ELP6: variants seen among roughly 807,000 people sequenced by gnomAD.
ELP6 encodes elongator complex protein 6.
Under a neutral mutation model 28.1 loss-of-function variants are expected in ELP6, and 23 were observed. The observed-to-expected ratio is 0.82, with a 90% CI of 0.59 to 1.16. The LOEUF is 1.16. ELP6 is among the 50% of genes most tolerant of loss of function. The probability of loss-of-function intolerance (pLI) is 0.00; values close to 1 mark genes in which losing one functional copy is unlikely to be tolerated. For synonymous variants in ELP6, 132 were observed against 135.8 expected (o/e 0.97, Z 0.19); for missense variants, 313 against 334.6 (o/e 0.94, Z 0.50).
intron 6 of ELP6, chr3:47,496,831 G>A (rs940494532): frequency 4.7e-5 from 46 of 985,176 alleles, no homozygotes; most frequent in Admixed American, 3.1e-4. Context: ...TTGTACTTGC[G>A]GGCTAGACTA....
intron 2 of ELP6, among the ~76,000 whole-genome samples, chr3:47,510,668 C>T (rs528176227): frequency 1.2e-3 from 182 of 152,280 alleles, no homozygotes; most frequent in African/African-American, 4.3e-3. Flanking sequence ...CTATATTGCC[C>T]AGGCTGGTCT....
Position 47,504,429 on chromosome 3 carries a change from G to A in ELP6, c.224C>T (p.Ala75Val), listed in dbSNP as rs183689517. ...GAACACAAGCTGCCCACGCTCCCGC[G>A]CCATGGTCAGGCTGACACCCTAAAC... ...GQKLGVSLTMARERGQLVFLE... is the reference protein window; with the variant it reads ...GQKLGVSLTMVRERGQLVFLE... The change falls in exon 4 of 7, where the codon GCG becomes GTG. Residue 75 changes from alanine (A) to valine (V), a missense_variant. By Grantham distance (64) the Ala-to-Val change is moderately conservative. Coordinates refer to ENST00000296149, the MANE Select transcript of ELP6 (RefSeq NM_001031703.3). The A allele has an allele frequency of 1.6e-3, 2,543 of 1,607,368 alleles. 4 individuals are homozygous for A. Among genetic ancestry groups the A allele is most frequent in the Non-Finnish European group, 1.7e-3 (1,955 of 1,176,292 alleles).
rs1187545182 is a variant in ELP6 at position 47,513,581 on chromosome 3, C to T, written c.10G>A (p.Glu4Lys). 6.2e-7 allele frequency: 1 copy of T among 1,613,288 alleles called. No individual in the cohort carries two copies. Among genetic ancestry groups the T allele is most frequent in the Non-Finnish European group, 8.5e-7 (1 of 1,179,636 alleles). Residue 4 changes from glutamate to lysine, a missense_variant, in exon 1 of 7, where the codon GAA (glutamate) becomes AAA (lysine). Glu to Lys is a moderately conservative substitution (Grantham distance 56). Coordinates refer to ENST00000296149, the MANE Select transcript of ELP6 (RefSeq NM_001031703.3). ...GTGGTGTTAAGCAGGTTATTAAGTT[C>T]CACGAACATTCCGAGCTCCTGGGAC... MFV[E>K]LNNLLNTTPD...
Position 47,504,347 on chromosome 3 carries a change from G to C in ELP6, c.306C>G (p.His102Gln). ...DVVFQAQKEP[H>Q]PLQFLREANA... Reference sequence around the variant, plus strand: ...TGACTGACCTGAGAAACTGCAGGGGGTGTGGCTCCTTTTGAGCCTGGAAGA... The same window carrying C: ...TGACTGACCTGAGAAACTGCAGGGGCTGTGGCTCCTTTTGAGCCTGGAAGA... The change falls in exon 4 of 7, where the codon CAC becomes CAG. Residue 102 changes from histidine to glutamine, a missense_variant. Coordinates refer to ENST00000296149, the MANE Select transcript of ELP6 (RefSeq NM_001031703.3). The C allele has an allele frequency of 1.2e-6, 2 of 1,609,220 alleles. No homozygotes were observed. Among genetic ancestry groups the C allele is most frequent in the East Asian group, 4.5e-5 (2 of 44,616 alleles).
rs1392407235 is a variant in ELP6 at position 47,513,671 on chromosome 3, C to A, written c.-81G>T. 3 of 1,564,214 alleles carry A rather than the reference C, an allele frequency of 1.9e-6. No homozygotes were observed. Among genetic ancestry groups the A allele is most frequent in the Admixed American group, 1.8e-5 (1 of 54,986 alleles). ...CGGAGGCTGGAGAGCAAAACACACC[C>A]GACAGCCCGGCTCGCGCAAGGAAGC... On this transcript the variant is annotated 5_prime_UTR_variant, in exon 1 of 7. Coordinates refer to ENST00000296149, the MANE Select transcript of ELP6 (RefSeq NM_001031703.3).
rs1709043394 is a variant in ELP6, at chr3:47,512,500, G to A, written c.54+1037C>T. 1.1e-5 allele frequency: 7 copies of A among 619,738 alleles called. No individual in the cohort carries two copies. The South Asian group carries it at 5.0e-4, about 44-fold the overall frequency. The allele number at this position is 619,738 out of a possible 1,614,324, so 38.4% of individuals were successfully genotyped here. The stretch of plus-strand genomic sequence containing the variant: ...CCGGGAGGTGAGGTTGCAGGGAGCC[G>A]AGATCGCGCCAGTGCACTCCAGCCC... On this transcript the variant is annotated intron_variant, in intron 1 of 6. Transcript: ENST00000296149.
rs376112480 is a variant in ELP6, at chr3:47,496,228, C to T, written c.673-31G>A. 82 of 1,610,024 alleles carry T rather than the reference C, an allele frequency of 5.1e-5. No homozygotes were observed. In the African/African-American group the frequency reaches 7.0e-4, roughly 14 times the overall value. On this transcript the variant is annotated intron_variant, in intron 6 of 6. Coordinates refer to ENST00000296149, the MANE Select transcript of ELP6 (RefSeq NM_001031703.3). Reference sequence around the variant, plus strand: ...GAGACAGAGAAGAATGAAAGAGGAGCAGCCACCCCAGGACCTGCTCCACTG... The same window carrying T: ...GAGACAGAGAAGAATGAAAGAGGAGTAGCCACCCCAGGACCTGCTCCACTG...
chr3:47,503,234 A>T, intron 4 of ELP6: 1 of 1,204,650 alleles, frequency 8.3e-7, no homozygotes, highest in Non-Finnish European at 1.1e-6. Context: ...ATGGCCTCAC[A>T]CCCACTGCAT....
intron 3 of ELP6, among the ~76,000 whole-genome samples, chr3:47,506,636 T>C (rs193260101): frequency 2.0e-5 from 3 of 152,250 alleles, no homozygotes; most frequent in African/African-American, 7.2e-5. Flanking sequence ...TTTAAGGTTA[T>C]CTCTCTTGTT....
chr3:47,510,130 G>A, intron 3 of ELP6, 54 bp downstream of exon 3: 1 of 1,353,088 alleles, frequency 7.4e-7, no homozygotes, highest in Non-Finnish European at 1.1e-6. Context: ...TTTAGACCAT[G>A]TGTGACACAC....
intron 4 of ELP6, among the ~76,000 whole-genome samples, 167 bp from the exon 5 acceptor site, chr3:47,502,018 A>C (rs186888208): frequency 1.1e-3 from 170 of 152,302 alleles, no homozygotes; most frequent in African/African-American, 3.7e-3. Flanking sequence ...GCACATGTAC[A>C]GGAGTAATTC....
chr3:47,512,567 AAAT>A (rs1463858322), intron 1 of ELP6: 7 of 974,044 alleles, frequency 7.2e-6, no homozygotes, highest in Middle Eastern at 1.0e-3. Context: ...ATAAATAAAT[AAAT>A]AAGCCAAAAG....
chr3:47,512,740 A>C, intron 1 of ELP6: 2 of 970,432 alleles, frequency 2.1e-6, no homozygotes, highest in Non-Finnish European at 2.5e-6. Context: ...GTTCTATTAG[A>C]GATCACAAGG....
intron 3 of ELP6, 167 bp downstream of exon 3, chr3:47,510,017 C>T: frequency 5.4e-6 from 3 of 551,820 alleles, no homozygotes; most frequent in Non-Finnish European, 9.6e-6. Flanking sequence ...ATCTTGGCCT[C>T]CCAAAGTGCT....
chr3:47,513,207 G>C (rs1472636389), intron 1 of ELP6: 1 of 1,132,806 alleles, frequency 8.8e-7, no homozygotes, highest in Non-Finnish European at 1.1e-6. Context: ...GGCCAGACTT[G>C]TCTCGAACTC....
Position 47,510,185 on chromosome 3 carries a change from A to T in ELP6, c.203T>A (p.Leu68Gln). The change falls in exon 3 of 7, where the codon CTG becomes CAG. Residue 68 changes from leucine to glutamine, a missense_variant and splice_region_variant. By Grantham distance (113) the Leu-to-Gln change is moderately radical. Transcript: ENST00000296149. ...ATCATGGAGCTCCAAAATATTTACC[A>T]GCTTCTGTCCCACGATACTGTAGTG... Reference protein sequence around the residue: ...FSHYSIVGQKLGVSLTMARER... With the variant: ...FSHYSIVGQKQGVSLTMARER... The T allele has an allele frequency of 6.2e-7, 1 of 1,613,136 alleles. No homozygotes were observed. Among genetic ancestry groups the T allele is most frequent in the East Asian group, 2.2e-5 (1 of 44,876 alleles).
At chr3:47,513,462 G>C in intron 1 of ELP6, 75 bp downstream of exon 1, 2 of 1,575,216 alleles carry the variant, frequency 1.3e-6, no homozygotes, top group Non-Finnish European at 1.7e-6. Context: ...CCGGGGTCGT[G>C]CGCACCGCCT....
At chr3:47,513,179 C>A in intron 1 of ELP6, 1 of 978,338 alleles carries the variant, frequency 1.0e-6, no homozygotes, top group South Asian at 3.8e-5. Context: ...TTCGTAGAGA[C>A]GGGGGTTTCA....
intron 4 of ELP6, chr3:47,502,694 GC>G: frequency 3.2e-6 from 1 of 311,584 alleles, no homozygotes; most frequent in Non-Finnish European, 4.7e-6. Context: ...TTTTAAATTA[GC>G]CAGGCATGGT....
Sources: gnomAD v4.1 joint callset for allele counts (sites outside exome capture counted in the v4.1 genomes callset) on GRCh38, gnomAD v4.1.1 for gene constraint, MANE v1.5 for transcripts, NCBI Gene and HGNC (gene_info 2026-07-23, HGNC 2026-07-21) for gene names.